Variants in UBE2D2 observed in about 807,000 individuals in gnomAD.
UBE2D2 encodes ubiquitin-conjugating enzyme E2 D2.
A neutral mutation model predicts 24.2 loss-of-function variants in UBE2D2; 2 were observed. The observed-to-expected ratio is 0.08, with a 90% CI of 0.03 to 0.26. The LOEUF (loss-of-function observed/expected upper bound fraction) is 0.26, where lower values mean the gene tolerates loss of function less well. UBE2D2 is among the 10% of genes least tolerant of loss of function. The pLI is 1.00. For synonymous variants in UBE2D2, 58 were observed against 56.5 expected, an observed-to-expected ratio of 1.03 and a Z score of -0.12; for missense variants, 44 against 177.6, an observed-to-expected ratio of 0.25 and a Z score of 4.28.
Position 139,627,752 on chromosome 5 carries a change from A to T in UBE2D2, c.*951A>T, listed in dbSNP as rs988326116. On this transcript the variant is annotated 3_prime_UTR_variant, in exon 7 of 7. Transcript: ENST00000398733. ...TTTGTCTAGCTGAGATTAGTGGTGG[A>T]TTTTCTCCCACTTCTGAAATGTTCA... 1.3e-5 allele frequency: 2 copies of T among 152,556 alleles called. No homozygotes were observed. The highest frequency in any genetic ancestry group is 2.9e-5 in the Non-Finnish European group (2 of 68,020). 9.5% of individuals were successfully genotyped at this position (152,556 alleles called of 1,614,324 possible).
chr5:139,582,652 C>T (rs1323977129), intron 1 of UBE2D2, among the ~76,000 whole-genome samples: 3 of 149,264 alleles, frequency 2.0e-5, no homozygotes, highest in Non-Finnish European at 3.0e-5. Context: ...GATTTCGAAG[C>T]GATTTAGATT....
At chr5:139,530,473 C>T (rs1752587107) in intron 1 of UBE2D2, among the ~76,000 whole-genome samples, 1 of 152,214 alleles carries the variant, frequency 6.6e-6, no homozygotes, top group South Asian at 2.1e-4. Flanking sequence ...AGACCCGCCA[C>T]TTAGGCACAA....
At chr5:139,620,450 A>G (rs1442174512) in intron 5 of UBE2D2, among the ~76,000 whole-genome samples, 1 of 152,216 alleles carries the variant, frequency 6.6e-6, no homozygotes, top group Non-Finnish European at 1.5e-5. Flanking sequence ...CAGGAAATAC[A>G]TGAAGTCTTT....
rs1162851060 is a variant in UBE2D2 at position 139,561,660 on chromosome 5, C to T, written c.-132C>T. On this transcript the variant is annotated 5_prime_UTR_variant, in exon 1 of 7. Transcript: ENST00000398733. ...CGGCCCTCAGCCCGTCCCGCCGGAC[C>T]CGCTTTCCTCAACTCTCCATCTTCT... 9.3e-6 allele frequency: 6 copies of T among 643,378 alleles called. No individual in the cohort carries two copies. Among genetic ancestry groups the T allele is most frequent in the East Asian group, 3.4e-5 (1 of 29,032 alleles). 39.9% of individuals were successfully genotyped at this position (643,378 alleles called of 1,614,324 possible).
upstream of UBE2D2, among the ~76,000 whole-genome samples, chr5:139,558,605 C>T (rs1335895117): frequency 3.3e-5 from 5 of 151,886 alleles, no homozygotes; most frequent in African/African-American, 1.2e-4. Flanking sequence ...TGTTTATTTT[C>T]AAGGTAGATT....
At chr5:139,595,898 T>G (rs1261519345) in intron 1 of UBE2D2, among the ~76,000 whole-genome samples, 28 of 143,558 alleles carry the variant, frequency 2.0e-4, no homozygotes, top group African/African-American at 6.2e-4. Flanking sequence ...TGTTGTTTTT[T>G]TTTTTTTTTT....
intron 1 of UBE2D2, among the ~76,000 whole-genome samples, chr5:139,552,294 C>T (rs2126640036): frequency 6.6e-6 from 1 of 152,036 alleles, no homozygotes; most frequent in Non-Finnish European, 1.5e-5. Context: ...TCCCGCGCAG[C>T]TGGGATTACA....
intron 1 of UBE2D2, among the ~76,000 whole-genome samples, chr5:139,549,232 C>T (rs543622814): frequency 9.5e-4 from 145 of 152,298 alleles, no homozygotes; most frequent in African/African-American, 3.3e-3. Context: ...GCCTCGGCGT[C>T]CACTCTGGCT....
At chr5:139,613,438 C>T (rs1256921064) in intron 2 of UBE2D2, among the ~76,000 whole-genome samples, 1 of 152,154 alleles carries the variant, frequency 6.6e-6, no homozygotes, top group Non-Finnish European at 1.5e-5. Context: ...TTTGATCTCT[C>T]ATGATGCACT....
intron 1 of UBE2D2, among the ~76,000 whole-genome samples, chr5:139,533,542 C>T (rs539949275): frequency 4.0e-5 from 6 of 151,624 alleles, no homozygotes; most frequent in South Asian, 4.2e-4. Context: ...CCCAGCTACT[C>T]GGGAGGCTGA....
At chr5:139,617,833 A>C (rs534220075) in intron 5 of UBE2D2, among the ~76,000 whole-genome samples, 2 of 152,286 alleles carry the variant, frequency 1.3e-5, no homozygotes, top group South Asian at 4.1e-4. Flanking sequence ...AAGATTAAAG[A>C]AGCAAAAACA....
chr5:139,602,737 A>G (rs1256989653), intron 2 of UBE2D2, among the ~76,000 whole-genome samples: 1 of 152,196 alleles, frequency 6.6e-6, no homozygotes, highest in African/African-American at 2.4e-5. Flanking sequence ...CTGGTCTGCT[A>G]AATCCTGAAG....
chr5:139,619,778 G>A (rs554472395), intron 5 of UBE2D2, among the ~76,000 whole-genome samples: 174 of 152,102 alleles, frequency 1.1e-3, no homozygotes, highest in African/African-American at 3.7e-3. Context: ...CGGGAGAATC[G>A]CTTGAACCCG....
rs188705211 is a variant in UBE2D2 at position 139,578,872 on chromosome 5, T to C, written c.24+17057T>C. Among the ~76,000 whole-genome samples, 40 of 152,342 alleles carry C rather than the reference T, an allele frequency of 2.6e-4. 1 individual carries two copies. The highest frequency in any genetic ancestry group is 9.1e-4 in the African/African-American group (38 of 41,594). Reference sequence around the variant, plus strand: ...CATCAATTGAAAGATGTACCATTATTCTACTAAGAAGGAAAGTATATTTAG... The same window carrying C: ...CATCAATTGAAAGATGTACCATTATCCTACTAAGAAGGAAAGTATATTTAG... On this transcript the variant is annotated intron_variant, in intron 1 of 6. Coordinates refer to ENST00000398733, the MANE Select transcript of UBE2D2 (RefSeq NM_003339.3).
intron 1 of UBE2D2, among the ~76,000 whole-genome samples, chr5:139,568,390 T>C (rs1339113836): frequency 3.3e-5 from 5 of 150,760 alleles, no homozygotes; most frequent in Non-Finnish European, 5.9e-5. Flanking sequence ...CTGGGCGCTG[T>C]GGCTCATGCC....
chr5:139,568,584 G>A (rs1013189774), intron 1 of UBE2D2, among the ~76,000 whole-genome samples: 7 of 152,148 alleles, frequency 4.6e-5, no homozygotes, highest in Admixed American at 1.3e-4. Context: ...CGTGAACCGG[G>A]AGGCAGAGCT....
rs942460194 is a variant in UBE2D2, at chr5:139,572,438, A to G, written c.24+10623A>G. ...ATATAGCAAGACCCTGTGTCTACAA[A>G]AAATTAAATTAGCTAGGTGCAGTGG... On this transcript the variant is annotated intron_variant, in intron 1 of 6. Transcript: ENST00000398733. Among the ~76,000 whole-genome samples, 3 of 152,022 alleles carry G rather than the reference A, an allele frequency of 2.0e-5. No homozygotes were observed. The East Asian group carries it at 5.8e-4, about 29-fold the overall frequency.
chr5:139,587,181 T>C (rs889703697), intron 1 of UBE2D2, among the ~76,000 whole-genome samples: 1 of 152,128 alleles, frequency 6.6e-6, no homozygotes, highest in African/African-American at 2.4e-5. Context: ...TGACTAGTGT[T>C]CCAGCTGGAT....
At chr5:139,537,458 C>T (rs890055385) in intron 1 of UBE2D2, among the ~76,000 whole-genome samples, 3 of 151,926 alleles carry the variant, frequency 2.0e-5, no homozygotes, top group Non-Finnish European at 2.9e-5. Context: ...TTGTCCATTG[C>T]CACAATCACT....
Sources: gnomAD v4.1 joint callset for allele counts (sites outside exome capture counted in the v4.1 genomes callset) on GRCh38, gnomAD v4.1.1 for gene constraint, MANE v1.5 for transcripts, NCBI Gene and HGNC (gene_info 2026-07-23, HGNC 2026-07-21) for gene names.